RNF13: variants seen among roughly 807,000 people sequenced by gnomAD.
RNF13 encodes ring finger protein 13, also known as E3 ubiquitin-protein ligase RNF13.
In RNF13, 19 loss-of-function variants were observed where a neutral mutation model predicts 37.7. That is an observed-to-expected ratio of 0.50 (90% confidence interval 0.35 to 0.74). The LOEUF is 0.74. Ranked by LOEUF, RNF13 falls within the 30% of genes least tolerant of loss-of-function variation. The pLI is 0.01. For missense variants in RNF13, 375 were observed against 453.0 expected, an observed-to-expected ratio of 0.83 and a Z score of 1.56; for synonymous variants, 144 against 157.8, an observed-to-expected ratio of 0.91 and a Z score of 0.65.
intron 8 of RNF13, among the ~76,000 whole-genome samples, chr3:149,941,354 C>T (rs1190325900): frequency 1.3e-5 from 2 of 152,058 alleles, no homozygotes; most frequent in Non-Finnish European, 2.9e-5. Flanking sequence ...GCTCAACTTA[C>T]ATTCTGCTCT....
chr3:149,835,029 A>T (rs1352115638), intron 1 of RNF13, among the ~76,000 whole-genome samples: 1 of 152,192 alleles, frequency 6.6e-6, no homozygotes, highest in Non-Finnish European at 1.5e-5. Context: ...CTCAAAATTG[A>T]TCAGAGATCT....
intron 8 of RNF13, 167 bp from the exon 9 acceptor site, chr3:149,959,889 A>C (rs1722213171): frequency 4.2e-6 from 2 of 478,742 alleles, no homozygotes; most frequent in Admixed American, 7.5e-5. Context: ...TAAAATGTTA[A>C]TTACTTAAAT....
intron 8 of RNF13, among the ~76,000 whole-genome samples, chr3:149,932,233 C>G (rs1054028313): frequency 6.6e-6 from 1 of 152,084 alleles, no homozygotes; most frequent in Non-Finnish European, 1.5e-5. Flanking sequence ...ATGGTGGTTT[C>G]ATTTTTACTT....
In RNF13 at chr3:149,903,387, TAAG is replaced by T. The variant is rs1183687853; in HGVS notation, c.500+1229_500+1231del. ...ATTATAAAACCATACTTTTTAAAAT[TAAG>T]AAGTAATATATAGATACTAGCAAAA... is the stretch of plus-strand genomic sequence containing the variant. On this transcript the variant is annotated intron_variant, in intron 6 of 9. Coordinates refer to ENST00000392894, the MANE Select transcript of RNF13 (RefSeq NM_183381.3). Among the ~76,000 whole-genome samples, 10 of 152,158 alleles carry T rather than the reference TAAG, an allele frequency of 6.6e-5. No individual in the cohort carries two copies. The East Asian group carries it at 9.7e-4, about 15-fold the overall frequency.
intron 3 of RNF13, among the ~76,000 whole-genome samples, chr3:149,868,550 T>C (rs1296525050): frequency 6.6e-6 from 1 of 151,390 alleles, no homozygotes; most frequent in Non-Finnish European, 1.5e-5. Context: ...TGCTCCTCTT[T>C]ATTCCGATCC....
Position 149,835,842 on chromosome 3 carries a change from G to C in RNF13, c.-16-10169G>C, listed in dbSNP as rs9835339. Among the ~76,000 whole-genome samples the C allele has an allele frequency of 8.7e-5, 12 of 137,670 alleles. No individual in the cohort carries two copies. In the South Asian group the frequency reaches 2.2e-3, roughly 25 times the overall value. The allele number at this position is 137,670 out of a possible 152,430, so 90.3% of individuals were successfully genotyped here. ...GGTTGGGATTGCTGGATCCCCAGTA[G>C]TGGGATTGCTGGATCCCCAGTACTG... On this transcript the variant is annotated intron_variant, in intron 1 of 9. Transcript: ENST00000392894.
At chr3:149,882,324 C>G (rs142421517) in intron 4 of RNF13, among the ~76,000 whole-genome samples, 1 of 152,006 alleles carries the variant, frequency 6.6e-6, no homozygotes, top group East Asian at 1.9e-4. Context: ...CCAACAGATA[C>G]GAGGAAATTT....
At position 149,934,646 on chromosome 3, in the gene RNF13, T is replaced by C. The variant is rs1363278807; in HGVS notation, c.700+13419T>C. ...TGTTTAATTTTCACATATTTATAGT[T>C]TTCAAAGTTCCTTTTTTTTTTTTCC... is the stretch of plus-strand genomic sequence containing the variant. On this transcript the variant is annotated intron_variant, in intron 8 of 9. Coordinates refer to ENST00000392894, the MANE Select transcript of RNF13 (RefSeq NM_183381.3). Among the ~76,000 whole-genome samples the C allele has an allele frequency of 2.0e-5, 3 of 152,198 alleles. No homozygotes were observed. The East Asian group carries it at 5.8e-4, about 29-fold the overall frequency.
At chr3:149,925,616 A>G (rs1272843704) in intron 8 of RNF13, among the ~76,000 whole-genome samples, 1 of 151,878 alleles carries the variant, frequency 6.6e-6, no homozygotes, top group Non-Finnish European at 1.5e-5. Context: ...TTTACTGTTA[A>G]TTGACATTCT....
At chr3:149,874,345 C>T (rs1712443686) in intron 4 of RNF13, among the ~76,000 whole-genome samples, 1 of 152,114 alleles carries the variant, frequency 6.6e-6, no homozygotes, top group Non-Finnish European at 1.5e-5. Flanking sequence ...ACATTTCAAT[C>T]TCATCTTTAT....
intron 1 of RNF13, among the ~76,000 whole-genome samples, chr3:149,815,347 G>C (rs1019476216): frequency 6.6e-6 from 1 of 152,152 alleles, no homozygotes; most frequent in Non-Finnish European, 1.5e-5. Context: ...CAACTATCAT[G>C]GTATGTTTTG....
At chr3:149,872,626 T>G (rs1712208233) in intron 4 of RNF13, among the ~76,000 whole-genome samples, 2 of 152,204 alleles carry the variant, frequency 1.3e-5, no homozygotes, top group African/African-American at 4.8e-5. Context: ...GGTGTATGGT[T>G]TTTTAAAGTC....
intron 8 of RNF13, among the ~76,000 whole-genome samples, chr3:149,930,874 G>A (rs1719092043): frequency 6.6e-6 from 1 of 151,976 alleles, no homozygotes; most frequent in Non-Finnish European, 1.5e-5. Flanking sequence ...CTTTATTATT[G>A]TTTTTATATT....
At chr3:149,921,838 T>C (rs1718157516) in intron 8 of RNF13, among the ~76,000 whole-genome samples, 1 of 152,226 alleles carries the variant, frequency 6.6e-6, no homozygotes, top group South Asian at 2.1e-4. Context: ...CTGGATCAAA[T>C]GGTATTTCTA....
At chr3:149,817,403 G>C (rs943075043) in intron 1 of RNF13, 7 of 152,108 alleles carry the variant, frequency 4.6e-5, no homozygotes, top group African/African-American at 1.7e-4. Flanking sequence ...TGGAGGCTAG[G>C]GATTCTCACC....
intron 8 of RNF13, among the ~76,000 whole-genome samples, chr3:149,959,362 TAAAA>T (rs1281758921): frequency 1.3e-5 from 2 of 152,038 alleles, no homozygotes; most frequent in Non-Finnish European, 2.9e-5. Context: ...TTTAAAAACT[TAAAA>T]AACACTGGAA....
At chr3:149,960,459 C>T (rs932282256) in intron 9 of RNF13, among the ~76,000 whole-genome samples, 3 of 151,790 alleles carry the variant, frequency 2.0e-5, no homozygotes, top group Admixed American at 6.6e-5. Flanking sequence ...GGTGTGGTGG[C>T]GGGCGCCTGT....
intron 8 of RNF13, among the ~76,000 whole-genome samples, chr3:149,938,154 T>G (rs1047698973): frequency 1.3e-5 from 2 of 151,336 alleles, no homozygotes; most frequent in African/African-American, 2.4e-5. Context: ...TATATAGTTA[T>G]GTATATATAT....
chr3:149,854,723 C>T (rs541978129), intron 3 of RNF13, among the ~76,000 whole-genome samples: 1 of 152,160 alleles, frequency 6.6e-6, no homozygotes, highest in Non-Finnish European at 1.5e-5. Flanking sequence ...GTGGTTTTAC[C>T]TCACAACATT....
Sources: gnomAD v4.1 joint callset for allele counts (sites outside exome capture counted in the v4.1 genomes callset) on GRCh38, gnomAD v4.1.1 for gene constraint, MANE v1.5 for transcripts, NCBI Gene and HGNC (gene_info 2026-07-23, HGNC 2026-07-21) for gene names.